Variants in PAWR observed in about 807,000 individuals in gnomAD.
PAWR encodes the protein PRKC apoptosis WT1 regulator protein.
PAWR carries 23 observed loss-of-function variants against 32.0 expected under a neutral mutation model. The ratio of observed to expected loss-of-function variants is 0.72; its 90% CI spans 0.52 to 1.02. PAWR has a LOEUF of 1.02. PAWR is among the 50% of genes least tolerant of loss of function. The pLI is 0.00. For missense variants in PAWR, 457 were observed against 437.7 expected (o/e 1.04, Z -0.39); for synonymous variants, 226 against 187.1 (o/e 1.21, Z -1.70).
chr12:79,685,871 C>T (rs1878656865), intron 2 of PAWR, among the ~76,000 whole-genome samples: 1 of 152,112 alleles, frequency 6.6e-6, no homozygotes, highest in African/African-American at 2.4e-5. Context: ...ACTCCCCTTT[C>T]CCTAGATATA....
At chr12:79,654,275 G>A (rs1876990581) in intron 2 of PAWR, among the ~76,000 whole-genome samples, 1 of 152,154 alleles carries the variant, frequency 6.6e-6, no homozygotes, top group Admixed American at 6.5e-5. Context: ...GGAGACATGG[G>A]CTTGTCAATC....
At chr12:79,614,898 T>C (rs765957508) in intron 3 of PAWR, among the ~76,000 whole-genome samples, 1 of 152,148 alleles carries the variant, frequency 6.6e-6, no homozygotes, top group Non-Finnish European at 1.5e-5. Context: ...ACTCCGTAGC[T>C]AGGAGACTAG....
At chr12:79,647,379 TA>T (rs964637153) in intron 2 of PAWR, among the ~76,000 whole-genome samples, 3 of 152,112 alleles carry the variant, frequency 2.0e-5, no homozygotes, top group Non-Finnish European at 2.9e-5. Flanking sequence ...TTTTTGAAAT[TA>T]GGGGCAAGTT....
At chr12:79,641,058 C>A (rs1402011232) in intron 2 of PAWR, among the ~76,000 whole-genome samples, 5 of 152,130 alleles carry the variant, frequency 3.3e-5, no homozygotes, top group Non-Finnish European at 5.9e-5. Flanking sequence ...ACACACTCAT[C>A]ATTAAATGTT....
At chr12:79,620,588 T>C (rs1003907878) in intron 3 of PAWR, among the ~76,000 whole-genome samples, 2 of 152,030 alleles carry the variant, frequency 1.3e-5, no homozygotes, top group African/African-American at 4.8e-5. Flanking sequence ...GAGTCCCAAG[T>C]AGAATGTGAA....
At chr12:79,669,704 T>A (rs976342905) in intron 2 of PAWR, among the ~76,000 whole-genome samples, 2 of 152,272 alleles carry the variant, frequency 1.3e-5, no homozygotes, top group Admixed American at 6.5e-5. Context: ...ATATAATGAA[T>A]AAACAGTTAT....
intron 2 of PAWR, among the ~76,000 whole-genome samples, chr12:79,669,293 TAGAG>T (rs766590957): frequency 1.1e-4 from 17 of 152,208 alleles, no homozygotes; most frequent in Non-Finnish European, 2.2e-4. Context: ...ATTTAAGAAT[TAGAG>T]AGGCCTCAGA....
rs773413764 is a variant in PAWR at position 79,673,351 on chromosome 12, G to A, written c.516+16378C>T. Among the ~76,000 whole-genome samples, 11 of 152,296 alleles carry A rather than the reference G, an allele frequency of 7.2e-5. 2 individuals are homozygous for A. The Middle Eastern group carries it at 0.034, about 471-fold the overall frequency. Reference sequence around the variant, plus strand: ...CCCAAAGTGCTGGGATTACAGGCATGAGCCACCGCGCCCGGCCCTAAATTA... The same window carrying A: ...CCCAAAGTGCTGGGATTACAGGCATAAGCCACCGCGCCCGGCCCTAAATTA... On this transcript the variant is annotated intron_variant, in intron 2 of 6. Coordinates refer to ENST00000328827, the MANE Select transcript of PAWR (RefSeq NM_002583.4).
chr12:79,622,209 G>A (rs1196559993), intron 2 of PAWR, among the ~76,000 whole-genome samples: 3 of 152,114 alleles, frequency 2.0e-5, no homozygotes, highest in African/African-American at 7.2e-5. Context: ...TTTGGAGATA[G>A]GAGGAACATA....
chr12:79,639,058 G>A (rs1405848075), intron 2 of PAWR, among the ~76,000 whole-genome samples: 4 of 148,826 alleles, frequency 2.7e-5, no homozygotes, highest in African/African-American at 7.4e-5. Flanking sequence ...GGTTACAGGC[G>A]CATGCCACCA....
rs377609790 is a variant in PAWR, at chr12:79,689,883, G to T, written c.362C>A (p.Pro121Gln). The change falls in exon 2 of 7, where the codon CCG becomes CAG. Residue 121 changes from proline (P) to glutamine (Q), a missense_variant. Physicochemically the swap from Pro to Gln is moderately conservative, Grantham distance 76. Transcript: ENST00000328827. ...EPPAASASAA[P>Q]PPQRDEEEPD... Reference sequence around the variant, plus strand: ...CTCCTCCTCGTCACGCTGGGGCGGCGGTGCAGCCGAGGCAGAGGCGGCTGG... The same window carrying T: ...CTCCTCCTCGTCACGCTGGGGCGGCTGTGCAGCCGAGGCAGAGGCGGCTGG... 2.3e-4 allele frequency: 361 copies of T among 1,546,628 alleles called. 2 individuals carry two copies. In the African/African-American group the frequency reaches 4.6e-3, roughly 20 times the overall value.
At chr12:79,645,220 A>G (rs1260355201) in intron 2 of PAWR, among the ~76,000 whole-genome samples, 1 of 152,180 alleles carries the variant, frequency 6.6e-6, no homozygotes, top group Non-Finnish European at 1.5e-5. Flanking sequence ...GAATTCATAT[A>G]TTATTTATTC....
chr12:79,629,671 GTTTGT>G (rs1042725016), intron 2 of PAWR, among the ~76,000 whole-genome samples: 33 of 151,824 alleles, frequency 2.2e-4, no homozygotes, highest in African/African-American at 4.8e-4. Flanking sequence ...TAAACTATAT[GTTTGT>G]TTTGTTTTGT....
At chr12:79,627,368 T>G (rs1414380413) in intron 2 of PAWR, among the ~76,000 whole-genome samples, 1 of 152,232 alleles carries the variant, frequency 6.6e-6, no homozygotes, top group African/African-American at 2.4e-5. Flanking sequence ...TCATGTGTTT[T>G]TTGGCTGCAT....
In PAWR at chr12:79,594,415, G is replaced by C. The variant is rs759435965; in HGVS notation, c.850C>G (p.Gln284Glu). The C allele has an allele frequency of 1.3e-6, 2 of 1,528,248 alleles. No homozygotes were observed. Among genetic ancestry groups the C allele is most frequent in the East Asian group, 4.6e-5 (2 of 43,822 alleles). 94.7% of individuals were successfully genotyped at this position (1,528,248 alleles called of 1,614,324 possible). The part of the protein sequence containing the change: ...DLEKEVVRER[Q>E]ENLRLVRLMQ... ...AGTCTCACAAGTCTTAGGTTTTCTTGTCTTTCTCTTACTACTTCCTGGTAG... is the reference window on the plus strand; with the variant it reads ...AGTCTCACAAGTCTTAGGTTTTCTTCTCTTTCTCTTACTACTTCCTGGTAG... The change falls in exon 6 of 7, where the codon CAA (glutamine) becomes GAA (glutamate). Residue 284 changes from glutamine to glutamate, a missense_variant. Physicochemically the swap from Gln to Glu is conservative, Grantham distance 29. Transcript: ENST00000328827.
chr12:79,626,538 T>C (rs943680789), intron 2 of PAWR, among the ~76,000 whole-genome samples: 1 of 151,426 alleles, frequency 6.6e-6, no homozygotes, highest in South Asian at 2.1e-4. Flanking sequence ...GGATTACAGG[T>C]GTGAGCCACA....
chr12:79,632,304 TATAC>T (rs1284887952), intron 2 of PAWR: 1 of 6,054 alleles, frequency 1.7e-4, no homozygotes, highest in Non-Finnish European at 2.6e-4. Context: ...TACATATATA[TATAC>T]ATACATATAT....
Position 79,607,878 on chromosome 12 carries a change from C to T in PAWR, c.683+5697G>A, listed in dbSNP as rs184342383. Among the ~76,000 whole-genome samples the T allele has an allele frequency of 1.3e-4, 19 of 151,774 alleles. No individual in the cohort carries two copies. The East Asian group carries it at 1.6e-3, about 12-fold the overall frequency. On this transcript the variant is annotated intron_variant, in intron 4 of 6. Transcript: ENST00000328827. ...TAAAACAATGATCATGGTGAAACCC[C>T]GTCTCTACCAAAAATACAAAATTAA...
Position 79,667,601 on chromosome 12 carries a change from A to C in PAWR, c.516+22128T>G, listed in dbSNP as rs563724709. ...TAGATCTTATTTGGACAAAATATAA[A>C]AGACATATATGAGATACCCATGAAA... On this transcript the variant is annotated intron_variant, in intron 2 of 6. Transcript: ENST00000328827. Among the ~76,000 whole-genome samples, 3 of 152,334 alleles carry C rather than the reference A, an allele frequency of 2.0e-5. No individual in the cohort carries two copies. In the South Asian group the frequency reaches 6.2e-4, roughly 32 times the overall value.
Sources: gnomAD v4.1 joint callset for allele counts (sites outside exome capture counted in the v4.1 genomes callset) on GRCh38, gnomAD v4.1.1 for gene constraint, MANE v1.5 for transcripts, NCBI Gene and HGNC (gene_info 2026-07-23, HGNC 2026-07-21) for gene names.